Variants in CALD1 observed in about 807,000 individuals in gnomAD.
CALD1 encodes caldesmon 1.
Under a neutral mutation model 99.9 loss-of-function variants are expected in CALD1, and 33 were observed. The observed-to-expected ratio is 0.33, with a 90% confidence interval of 0.25 to 0.44. The LOEUF (loss-of-function observed/expected upper bound fraction) is 0.44, where lower values mean the gene tolerates loss of function less well. Among genes scored for constraint, CALD1 ranks in the 20% least tolerant of loss-of-function variants. The pLI is 1.00. For missense variants in CALD1, 861 were observed against 962.1 expected (o/e 0.89, Z 1.39); for synonymous variants, 310 against 325.0 (o/e 0.95, Z 0.50).
chr7:134,946,459 A>G (rs1806878173), intron 7 of CALD1, among the ~76,000 whole-genome samples: 1 of 152,190 alleles, frequency 6.6e-6, no homozygotes, highest in African/African-American at 2.4e-5. Flanking sequence ...GACTACACCC[A>G]TTAAACAGCA....
At chr7:134,924,253 T>C (rs1358291261) in intron 3 of CALD1, among the ~76,000 whole-genome samples, 1 of 152,238 alleles carries the variant, frequency 6.6e-6, no homozygotes, top group Non-Finnish European at 1.5e-5. Context: ...TGGGTTTGCA[T>C]GATTCTCGGG....
intron 3 of CALD1, among the ~76,000 whole-genome samples, chr7:134,921,125 G>T (rs558509014): frequency 2.0e-5 from 3 of 152,330 alleles, no homozygotes; most frequent in African/African-American, 7.2e-5. Flanking sequence ...TAGCGGTGAA[G>T]ATTTTGAAAG....
chr7:134,922,480 T>C (rs561733997), intron 3 of CALD1, among the ~76,000 whole-genome samples: 1 of 152,232 alleles, frequency 6.6e-6, no homozygotes, highest in Non-Finnish European at 1.5e-5. Flanking sequence ...CAACATTCTT[T>C]AAACTACGGG....
chr7:134,714,850 G>A, the CALD1 span, among the ~76,000 whole-genome samples: 1 of 152,186 alleles, frequency 6.6e-6, no homozygotes, highest in African/African-American at 2.4e-5. Context: ...ACTGGCAGGA[G>A]TGTCTTATGC....
chr7:134,822,585 C>G (rs1451485629), intron 1 of CALD1, among the ~76,000 whole-genome samples: 2 of 152,134 alleles, frequency 1.3e-5, no homozygotes, highest in Non-Finnish European at 2.9e-5. Flanking sequence ...TAACATAATC[C>G]TGGAATCTCA....
chr7:134,959,090 T>G (rs920995616), intron 11 of CALD1, among the ~76,000 whole-genome samples: 1 of 151,738 alleles, frequency 6.6e-6, no homozygotes, highest in African/African-American at 2.4e-5. Context: ...AAATAAATAC[T>G]TGTATAACTA....
rs547430744 is a variant in CALD1 at position 134,889,882 on chromosome 7, T to C, written c.71+22078T>C. The stretch of plus-strand genomic sequence containing the variant: ...AGTTTATTAAACTGTATTTACTCTA[T>C]AAACTATGACTTCATTTTTTGTTTT... On this transcript the variant is annotated intron_variant, in intron 3 of 14. Transcript: ENST00000361675. 7.2e-5 allele frequency among the ~76,000 whole-genome samples: 11 copies of C among 152,330 alleles called. No homozygotes were observed. In the South Asian group the frequency reaches 2.1e-3, roughly 29 times the overall value.
At chr7:134,741,207 C>A (rs1187546876), upstream of CALD1, among the ~76,000 whole-genome samples, 1 of 152,150 alleles carries the variant, frequency 6.6e-6, no homozygotes, top group Non-Finnish European at 1.5e-5. Context: ...TTCCATAAGG[C>A]TGGGGAGGCC....
chr7:134,778,880 G>C (rs1052787587), upstream of CALD1, among the ~76,000 whole-genome samples: 3 of 152,326 alleles, frequency 2.0e-5, no homozygotes, highest in Admixed American at 6.5e-5. Context: ...GGAAAGTGAA[G>C]CCAGTGAGGA....
chr7:134,958,897 A>ATT (rs1808022823), intron 11 of CALD1, among the ~76,000 whole-genome samples: 3 of 102,130 alleles, frequency 2.9e-5, no homozygotes, highest in East Asian at 2.4e-4. Flanking sequence ...ATATATATAT[A>ATT]TATATATATA....
intron 3 of CALD1, among the ~76,000 whole-genome samples, chr7:134,903,583 T>C (rs1803150187): frequency 6.6e-6 from 1 of 152,126 alleles, no homozygotes; most frequent in African/African-American, 2.4e-5. Flanking sequence ...CTTTGGCATT[T>C]CTTGGCTTGT....
chr7:134,830,256 T>A (rs1799167539), intron 1 of CALD1, among the ~76,000 whole-genome samples: 1 of 152,228 alleles, frequency 6.6e-6, no homozygotes, highest in Non-Finnish European at 1.5e-5. Flanking sequence ...ATGTGTGTTA[T>A]CTCACTCGTA....
chr7:134,861,469 C>A (rs1469969006), intron 2 of CALD1, among the ~76,000 whole-genome samples: 1 of 152,140 alleles, frequency 6.6e-6, no homozygotes, highest in Non-Finnish European at 1.5e-5. Context: ...ACGACATGCT[C>A]CCTTTCTCCC....
At chr7:134,873,665 A>C (rs1586169938) in intron 3 of CALD1, among the ~76,000 whole-genome samples, 1 of 152,356 alleles carries the variant, frequency 6.6e-6, no homozygotes, top group African/African-American at 2.4e-5. Context: ...AGTTAAGGGC[A>C]TGAGCTTTAG....
chr7:134,803,921 C>T (rs143029738), intron 1 of CALD1, among the ~76,000 whole-genome samples: 1 of 152,152 alleles, frequency 6.6e-6, no homozygotes, highest in Non-Finnish European at 1.5e-5. Context: ...GTCTCAAACT[C>T]CTGACCTCAG....
At chr7:134,828,104 T>C (rs897140443) in intron 1 of CALD1, among the ~76,000 whole-genome samples, 1 of 152,234 alleles carries the variant, frequency 6.6e-6, no homozygotes, top group Non-Finnish European at 1.5e-5. Flanking sequence ...GGCACTTTTC[T>C]TACTAAAAAG....
At chr7:134,868,306 A>G (rs1009889742) in intron 3 of CALD1, 2 of 152,374 alleles carry the variant, frequency 1.3e-5, no homozygotes, top group Non-Finnish European at 2.9e-5. Context: ...ATAACGGGCT[A>G]TGTTACCGAG....
At chr7:134,935,176 G>T (rs1326576047) in intron 5 of CALD1, among the ~76,000 whole-genome samples, 24 of 152,120 alleles carry the variant, frequency 1.6e-4, no homozygotes, top group Admixed American at 1.6e-3. Context: ...GGAAATGTTT[G>T]TAAGCTTTGA....
chr7:134,744,857 A>G (rs1796621819), intron 1 of CALD1, among the ~76,000 whole-genome samples: 1 of 152,166 alleles, frequency 6.6e-6, no homozygotes, highest in Non-Finnish European at 1.5e-5. Flanking sequence ...TCTCCTGGAG[A>G]AAAGAAGCAG....
Sources: allele counts gnomAD v4.1 joint callset (sites outside exome capture counted in the v4.1 genomes callset), GRCh38; gene constraint gnomAD v4.1.1; transcripts MANE v1.5; gene names NCBI Gene and HGNC (gene_info 2026-07-23, HGNC 2026-07-21).